The following PARP9 variants were observed in gnomAD, a reference collection of about 807,000 sequenced individuals.
PARP9 encodes protein mono-ADP-ribosyltransferase PARP9.
PARP9 carries 48 observed loss-of-function variants against 68.8 expected under a neutral mutation model. The ratio of observed to expected loss-of-function variants is 0.70; its 90% CI spans 0.55 to 0.89. The LOEUF is 0.89. Ranked by LOEUF, PARP9 falls within the 40% of genes least tolerant of loss-of-function variation. The pLI is 0.00. For synonymous variants in PARP9, 309 were observed against 333.8 expected (o/e 0.93, Z 0.81); for missense variants, 806 against 969.3 (o/e 0.83, Z 2.24).
At chr3:122,539,525 T>TTCTTTC (rs1553714574) in intron 8 of PARP9, among the ~76,000 whole-genome samples, 1 of 32,498 alleles carries the variant, frequency 3.1e-5, no homozygotes, top group Non-Finnish European at 7.8e-5. Flanking sequence ...CTTTCTTTCT[T>TTCTTTC]TCTTTCTTTC....
At chr3:122,539,296 G>A (rs891483148) in intron 8 of PARP9, among the ~76,000 whole-genome samples, 2 of 152,020 alleles carry the variant, frequency 1.3e-5, no homozygotes, top group South Asian at 2.1e-4. Context: ...GTGCCTCTCC[G>A]CAGTGCTCCC....
chr3:122,539,528 T>TTTCC, intron 8 of PARP9, among the ~76,000 whole-genome samples: 3 of 32,640 alleles, frequency 9.2e-5, no homozygotes, highest in Non-Finnish European at 2.4e-4. Context: ...TCTTTCTTTC[T>TTTCC]TTCTTTCTTT....
At chr3:122,558,496 A>G in intron 2 of PARP9, 29 bp from the exon 3 acceptor site, 1 of 1,612,334 alleles carries the variant, frequency 6.2e-7, no homozygotes, top group Non-Finnish European at 8.5e-7. Flanking sequence ...GCTTTCTTAA[A>G]AAATGGAAGT....
intron 5 of PARP9, 44 bp downstream of exon 5, chr3:122,552,374 A>G (rs1294583517): frequency 1.4e-6 from 2 of 1,402,700 alleles, no homozygotes; most frequent in East Asian, 2.3e-5. Flanking sequence ...AAAAGACTGT[A>G]TAGACTATGG....
At position 122,540,891 on chromosome 3, in the gene PARP9, G is replaced by GTTTTTTTTT. The variant is rs145948621; in HGVS notation, c.1385-40_1385-39insAAAAAAAAA. The GTTTTTTTTT allele has an allele frequency of 3.4e-6, 5 of 1,475,174 alleles. 1 individual carries two copies. The highest frequency in any genetic ancestry group is 1.5e-5 in the African/African-American group (1 of 68,142). The allele number at this position is 1,475,174 out of a possible 1,614,324, so 91.4% of individuals were successfully genotyped here. A position where few individuals can be genotyped will look rare whatever the true frequency, so the allele number is the denominator to read the frequency against. ...AATAAGCAACCATGGAAGACTAGCAGTTTTTTGTTTTTTTTTTGAGATGGA... is the reference window on the plus strand; with the variant it reads ...AATAAGCAACCATGGAAGACTAGCAGTTTTTTTTTTTTTTTGTTTTTTTTTTGAGATGGA... On this transcript the variant is annotated intron_variant, in intron 7 of 10. Coordinates refer to ENST00000682323, the MANE Select transcript of PARP9 (RefSeq NM_001146105.2).
chr3:122,558,317 G>A (rs762850741), intron 3 of PARP9, 117 bp downstream of exon 3: 3 of 1,613,238 alleles, frequency 1.9e-6, no homozygotes, highest in Admixed American at 1.7e-5. Context: ...ACAAGGGTCT[G>A]CAGTCACGCA....
intron 2 of PARP9, among the ~76,000 whole-genome samples, chr3:122,558,935 G>A (rs763981799): frequency 1.3e-5 from 2 of 152,128 alleles, no homozygotes; most frequent in Non-Finnish European, 2.9e-5. Context: ...GGCTGGTCTC[G>A]AACTACTGAT....
chr3:122,540,428 C>G, intron 8 of PARP9, 44 bp downstream of exon 8: 1 of 1,599,126 alleles, frequency 6.3e-7, no homozygotes. Context: ...AAAGAAGAAA[C>G]AATGGGGAGA....
chr3:122,557,873 T>C (rs899162191), intron 3 of PARP9, among the ~76,000 whole-genome samples: 1 of 152,174 alleles, frequency 6.6e-6, no homozygotes, highest in African/African-American at 2.4e-5. Flanking sequence ...CATCAATTGA[T>C]AACAGGTACA....
At chr3:122,529,203 A>C (rs989616400) in intron 10 of PARP9, among the ~76,000 whole-genome samples, 1 of 143,622 alleles carries the variant, frequency 7.0e-6, no homozygotes, top group South Asian at 2.2e-4. Flanking sequence ...GCACCACTGC[A>C]CTCCAACCTG....
At chr3:122,542,040 A>G (rs2078269264) in intron 7 of PARP9, among the ~76,000 whole-genome samples, 1 of 152,100 alleles carries the variant, frequency 6.6e-6, no homozygotes, top group Non-Finnish European at 1.5e-5. Flanking sequence ...GTAAGAAGTA[A>G]CCCAGGTTTT....
At chr3:122,533,741 C>A (rs2077457598) in intron 10 of PARP9, 1 of 984,844 alleles carries the variant, frequency 1.0e-6, no homozygotes, top group Non-Finnish European at 1.2e-6. Flanking sequence ...TGCACTCAAC[C>A]AAGTCCTACA....
At chr3:122,556,165 A>AAAAAAAAAAAAAAAAAAAC (rs2079640571) in intron 3 of PARP9, 44 bp from the exon 4 acceptor site, 2 of 1,094,648 alleles carry the variant, frequency 1.8e-6, no homozygotes, top group Non-Finnish European at 2.5e-6. Context: ...AAAAAAAAAA[A>AAAAAAAAAAAAAAAAAAAC]AAAAAAAAGC....
At chr3:122,532,362 C>A (rs1009096578) in intron 10 of PARP9, 47 of 985,050 alleles carry the variant, frequency 4.8e-5, no homozygotes, top group Middle Eastern at 5.2e-4. Flanking sequence ...AAGCAGAGGA[C>A]AATGGGAGCC....
chr3:122,560,294 T>A (rs373809813), intron 1 of PARP9, among the ~76,000 whole-genome samples: 1 of 152,204 alleles, frequency 6.6e-6, no homozygotes, highest in Non-Finnish European at 1.5e-5. Context: ...AGATTATGAA[T>A]TTTTAGAAGA....
intron 8 of PARP9, among the ~76,000 whole-genome samples, chr3:122,539,563 C>CTT (rs1386344044): frequency 2.5e-5 from 2 of 80,544 alleles, no homozygotes; most frequent in Admixed American, 1.2e-4. Flanking sequence ...TTCTTTCTTT[C>CTT]TTTCTTTTTT....
Position 122,547,181 on chromosome 3 carries a change from G to A in PARP9, c.1327-1692C>T, listed in dbSNP as rs182246123. Among the ~76,000 whole-genome samples, 940 of 138,426 alleles carry A rather than the reference G, an allele frequency of 6.8e-3. 8 individuals are homozygous for A. The highest frequency in any genetic ancestry group is 8.7e-3 in the Non-Finnish European group (573 of 65,934). The allele number at this position is 138,426 out of a possible 152,430, so 90.8% of individuals were successfully genotyped here. On this transcript the variant is annotated intron_variant, in intron 6 of 10. Coordinates refer to ENST00000682323, the MANE Select transcript of PARP9 (RefSeq NM_001146105.2). Reference sequence around the variant, plus strand: ...GCAATCTCGGGTCACTGCAACCTCCGTCTCCCTGGTTCAAGTGATTCTCCT... The same window carrying A: ...GCAATCTCGGGTCACTGCAACCTCCATCTCCCTGGTTCAAGTGATTCTCCT...
Position 122,552,513 on chromosome 3 carries a change from G to A in PARP9, c.1012C>T (p.Gln338Ter). 2 of 1,614,100 alleles carry A rather than the reference G, an allele frequency of 1.2e-6. No homozygotes were observed. The highest frequency in any genetic ancestry group is 1.7e-6 in the Non-Finnish European group (2 of 1,179,988). ...GTGACCAGTACCAACTGGGACCGTT[G>A]AAACTGTTTAGCCTTTGTGGCAAGA... ...EFLATKAKQF[Q>*]RSQLVLVTKG... Residue 338 changes from glutamine to a stop codon, truncating the protein, a stop_gained, in exon 5 of 11, where the codon CAA becomes TAA. Coordinates refer to ENST00000682323, the MANE Select transcript of PARP9 (RefSeq NM_001146105.2). LOFTEE classifies it high-confidence loss of function.
chr3:122,558,898 A>C (rs1195777098), intron 2 of PARP9, among the ~76,000 whole-genome samples: 20 of 152,062 alleles, frequency 1.3e-4, no homozygotes, highest in Admixed American at 1.3e-3. Flanking sequence ...TTTTTTAGAG[A>C]TGAGCGGAGT....
Sources: gnomAD v4.1 joint callset for allele counts (sites outside exome capture counted in the v4.1 genomes callset) on GRCh38, gnomAD v4.1.1 for gene constraint, MANE v1.5 for transcripts, NCBI Gene and HGNC (gene_info 2026-07-23, HGNC 2026-07-21) for gene names.